The following SKA2 variants were observed in gnomAD, a reference collection of about 807,000 sequenced individuals.
SKA2 encodes the protein spindle and kinetochore-associated protein 2.
Under a neutral mutation model 16.9 loss-of-function variants are expected in SKA2, and 13 were observed. That is an observed-to-expected ratio of 0.77 (90% confidence interval 0.50 to 1.22). The LOEUF is 1.22. Among genes scored for constraint, SKA2 ranks in the 50% most tolerant of loss-of-function variants. The pLI is 0.00. For synonymous variants in SKA2, 47 were observed against 48.5 expected, an observed-to-expected ratio of 0.97 and a Z score of 0.13; for missense variants, 107 against 139.7, an observed-to-expected ratio of 0.77 and a Z score of 1.18.
chr17:59,134,982 A>G (rs894780102), intron 1 of SKA2, among the ~76,000 whole-genome samples: 1 of 151,860 alleles, frequency 6.6e-6, no homozygotes, highest in Non-Finnish European at 1.5e-5. Flanking sequence ...CTACAGGCAC[A>G]TGCCATTACG....
chr17:59,127,346 T>C (rs2046378555), intron 2 of SKA2, among the ~76,000 whole-genome samples: 1 of 152,198 alleles, frequency 6.6e-6, no homozygotes, highest in African/African-American at 2.4e-5. Flanking sequence ...GCCTGGACCA[T>C]ATTAAAATGG....
chr17:59,132,932 T>C (rs985365022), intron 1 of SKA2, among the ~76,000 whole-genome samples: 1 of 152,222 alleles, frequency 6.6e-6, no homozygotes, highest in South Asian at 2.1e-4. Context: ...AAGAGATGTA[T>C]ACATATACAA....
intron 2 of SKA2, among the ~76,000 whole-genome samples, chr17:59,119,879 AAAG>A (rs1483733487): frequency 6.6e-6 from 1 of 152,152 alleles, no homozygotes; most frequent in Non-Finnish European, 1.5e-5. Context: ...ATTTGTTCTT[AAAG>A]AATAAGAACT....
chr17:59,127,135 T>TATAC (rs2046377470), intron 2 of SKA2, among the ~76,000 whole-genome samples: 1 of 151,900 alleles, frequency 6.6e-6, no homozygotes, highest in African/African-American at 2.4e-5. Flanking sequence ...GTTTAATGGA[T>TATAC]ATACAGTTAC....
At chr17:59,135,507 G>C (rs554174111) in intron 1 of SKA2, among the ~76,000 whole-genome samples, 11 of 151,414 alleles carry the variant, frequency 7.3e-5, no homozygotes, top group African/African-American at 2.4e-4. Flanking sequence ...AGTAAAATGG[G>C]ATTTCACCAT....
chr17:59,144,875 C>T (rs1307834058), intron 1 of SKA2, among the ~76,000 whole-genome samples: 1 of 152,162 alleles, frequency 6.6e-6, no homozygotes, highest in Non-Finnish European at 1.5e-5. Context: ...GGCGACGCTG[C>T]ATCCTCCACC....
intron 1 of SKA2, among the ~76,000 whole-genome samples, chr17:59,134,271 T>C (rs1241171382): frequency 1.3e-5 from 2 of 152,204 alleles, no homozygotes; most frequent in Non-Finnish European, 2.9e-5. Flanking sequence ...CCTGATTTTG[T>C]TTGTCTTAAT....
chr17:59,127,751 G>T (rs1179865410), intron 2 of SKA2, among the ~76,000 whole-genome samples: 1 of 151,980 alleles, frequency 6.6e-6, no homozygotes, highest in Non-Finnish European at 1.5e-5. Context: ...CAGTTTGGTA[G>T]TTCCTTAAAA....
rs569934567 is a variant in SKA2, at chr17:59,130,457, CAA to C, written c.120+822_120+823del. Among the ~76,000 whole-genome samples, 138 of 70,378 alleles carry C rather than the reference CAA, an allele frequency of 2.0e-3. 1 individual carries two copies. The highest frequency in any genetic ancestry group is 5.9e-3 in the African/African-American group (126 of 21,530). The allele number at this position is 70,378 out of a possible 152,430, so 46.2% of individuals were successfully genotyped here. On this transcript the variant is annotated intron_variant, in intron 2 of 3. Transcript: ENST00000330137. The stretch of plus-strand genomic sequence containing the variant: ...TGAAACTCCGTCTCTACTAAAAATA[CAA>C]AAAAAAAAAAAAAAAAAAAAATTAG...
chr17:59,155,046 T>G, intron 1 of SKA2, 85 bp downstream of exon 1: 1 of 1,614,020 alleles, frequency 6.2e-7, no homozygotes, highest in Non-Finnish European at 8.5e-7. Flanking sequence ...GCCCGGAGTT[T>G]CCGGCGACTC....
chr17:59,140,670 G>A (rs1422506716), intron 1 of SKA2, among the ~76,000 whole-genome samples: 1 of 150,274 alleles, frequency 6.7e-6, no homozygotes, highest in African/African-American at 2.5e-5. Flanking sequence ...GTGTGTAGGG[G>A]TGCAATCTCG....
intron 1 of SKA2, among the ~76,000 whole-genome samples, chr17:59,153,812 G>A (rs1348900631): frequency 1.3e-5 from 2 of 151,122 alleles, no homozygotes; most frequent in Non-Finnish European, 2.9e-5. Context: ...TGTCTCTGTC[G>A]CAAGGCCGGA....
chr17:59,122,244 C>A (rs536055016), intron 2 of SKA2, among the ~76,000 whole-genome samples: 1 of 152,030 alleles, frequency 6.6e-6, no homozygotes, highest in East Asian at 1.9e-4. Flanking sequence ...GATGCCAAGG[C>A]GGGAGGATCG....
intron 2 of SKA2, among the ~76,000 whole-genome samples, chr17:59,125,151 T>TC (rs1467482875): frequency 2.1e-5 from 3 of 146,226 alleles, no homozygotes. Flanking sequence ...TTTTGTATTT[T>TC]TTTTTTTTTT....
chr17:59,125,675 C>T (rs1429940750), intron 2 of SKA2, among the ~76,000 whole-genome samples: 1 of 141,848 alleles, frequency 7.0e-6, no homozygotes, highest in East Asian at 2.1e-4. Context: ...CAGGGTGAGA[C>T]TCCGTCTCCA....
chr17:59,133,629 G>T, intron 1 of SKA2, among the ~76,000 whole-genome samples: 1 of 152,152 alleles, frequency 6.6e-6, no homozygotes, highest in East Asian at 1.9e-4. Flanking sequence ...GTTCTATTAG[G>T]ACCCTACTTT....
intron 1 of SKA2, among the ~76,000 whole-genome samples, chr17:59,136,491 G>C (rs1417214357): frequency 6.6e-6 from 1 of 151,984 alleles, no homozygotes; most frequent in Non-Finnish European, 1.5e-5. Flanking sequence ...GAAGTCAGTG[G>C]GCTAGGGAAT....
chr17:59,134,618 C>A (rs1328947564), intron 1 of SKA2, among the ~76,000 whole-genome samples: 1 of 151,540 alleles, frequency 6.6e-6, no homozygotes, highest in African/African-American at 2.4e-5. Context: ...GTGGCACAGT[C>A]TTGGCTCACT....
intron 1 of SKA2, among the ~76,000 whole-genome samples, chr17:59,139,519 A>T (rs1322455600): frequency 2.0e-5 from 3 of 151,488 alleles, no homozygotes; most frequent in Non-Finnish European, 2.9e-5. Context: ...TTATTTTTAA[A>T]TTTTTTTTGT....
Sources: allele counts gnomAD v4.1 joint callset (sites outside exome capture counted in the v4.1 genomes callset), GRCh38; gene constraint gnomAD v4.1.1; transcripts MANE v1.5; gene names NCBI Gene and HGNC (gene_info 2026-07-23, HGNC 2026-07-21).